Variants in PRKAG2 observed in about 807,000 individuals in gnomAD.
PRKAG2 encodes the protein protein kinase AMP-activated non-catalytic subunit gamma 2, also known as 5'-AMP-activated protein kinase subunit gamma-2.
A neutral mutation model predicts 69.6 loss-of-function variants in PRKAG2; 26 were observed. The ratio of observed to expected loss-of-function variants is 0.37; its 90% CI spans 0.27 to 0.52. The LOEUF is 0.52. Ranked by LOEUF, PRKAG2 falls within the 20% of genes least tolerant of loss-of-function variation. PRKAG2 has a pLI of 0.90. For synonymous variants in PRKAG2, 293 were observed against 285.0 expected (o/e 1.03, Z -0.28); for missense variants, 557 against 740.0 (o/e 0.75, Z 2.87).
At chr7:151,697,493 G>A (rs912009905) in intron 3 of PRKAG2, among the ~76,000 whole-genome samples, 2 of 152,148 alleles carry the variant, frequency 1.3e-5, no homozygotes, top group South Asian at 2.1e-4. Flanking sequence ...ACCCGCCGCT[G>A]GAAGTGAGGG....
At chr7:151,778,331 T>C (rs955100505) in intron 3 of PRKAG2, among the ~76,000 whole-genome samples, 4 of 152,194 alleles carry the variant, frequency 2.6e-5, no homozygotes, top group African/African-American at 9.7e-5. Flanking sequence ...ATTGGTTTTA[T>C]CTGTGCAGTG....
chr7:151,747,547 A>T (rs1383470607), intron 3 of PRKAG2, among the ~76,000 whole-genome samples: 2 of 143,920 alleles, frequency 1.4e-5, no homozygotes, highest in African/African-American at 5.4e-5. Context: ...ATAGAGAGAG[A>T]CTCCGTCTCA....
At chr7:151,754,357 C>T (rs1021380483) in intron 3 of PRKAG2, among the ~76,000 whole-genome samples, 9 of 152,242 alleles carry the variant, frequency 5.9e-5, no homozygotes, top group Non-Finnish European at 1.3e-4. Context: ...GGATGCCGCA[C>T]ATACTTTTCC....
intron 1 of PRKAG2, chr7:151,806,979 TA>T (rs752091908): frequency 2.2e-6 from 1 of 456,222 alleles, no homozygotes; most frequent in South Asian, 1.6e-5. Context: ...TGTACTCATT[TA>T]AACATCACTT....
At chr7:151,720,438 C>A (rs1796864909) in intron 3 of PRKAG2, among the ~76,000 whole-genome samples, 1 of 151,846 alleles carries the variant, frequency 6.6e-6, no homozygotes, top group Non-Finnish European at 1.5e-5. Flanking sequence ...GCAATTAAAT[C>A]TCTGTGGGTG....
At chr7:151,667,227 C>A (rs1042729397) in intron 4 of PRKAG2, among the ~76,000 whole-genome samples, 2 of 152,214 alleles carry the variant, frequency 1.3e-5, no homozygotes, top group Non-Finnish European at 2.9e-5. Flanking sequence ...GCCCAATCTT[C>A]CTGCCTTCCC....
chr7:151,805,197 A>T (rs558646348), intron 1 of PRKAG2, among the ~76,000 whole-genome samples: 2 of 152,288 alleles, frequency 1.3e-5, no homozygotes, highest in South Asian at 4.1e-4. Flanking sequence ...TTCCTCCTGG[A>T]TCTCTTGTAA....
intron 3 of PRKAG2, among the ~76,000 whole-genome samples, chr7:151,763,164 G>A (rs563169566): frequency 3.5e-4 from 53 of 152,312 alleles, no homozygotes; most frequent in African/African-American, 1.2e-3. Context: ...GGGTGGGCTC[G>A]GAAGTGCCAC....
chr7:151,848,177 T>C (rs2079479951), intron 1 of PRKAG2, among the ~76,000 whole-genome samples: 1 of 152,204 alleles, frequency 6.6e-6, no homozygotes, highest in Non-Finnish European at 1.5e-5. Flanking sequence ...ACAAAATTCA[T>C]GCTGAAACTT....
intron 5 of PRKAG2, among the ~76,000 whole-genome samples, chr7:151,620,237 T>G (rs1387111921): frequency 1.3e-5 from 2 of 152,192 alleles, no homozygotes; most frequent in South Asian, 2.1e-4. Flanking sequence ...TGTTGAATTT[T>G]ATTAATTGCT....
At chr7:151,594,994 C>T (rs1814108400) in intron 6 of PRKAG2, among the ~76,000 whole-genome samples, 1 of 152,250 alleles carries the variant, frequency 6.6e-6, no homozygotes, top group South Asian at 2.1e-4. Flanking sequence ...GATGGTGTTT[C>T]ATCACGTTGG....
chr7:151,687,602 A>G (rs1413104940), intron 3 of PRKAG2, among the ~76,000 whole-genome samples: 1 of 152,218 alleles, frequency 6.6e-6, no homozygotes, highest in Non-Finnish European at 1.5e-5. Context: ...AAGAATGGGC[A>G]TGACCTTGGA....
chr7:151,695,600 C>G (rs556039287), intron 3 of PRKAG2, among the ~76,000 whole-genome samples: 1 of 152,318 alleles, frequency 6.6e-6, no homozygotes, highest in Admixed American at 6.5e-5. Flanking sequence ...GCAAGGACTT[C>G]AGGAACACAT....
chr7:151,697,357 G>T (rs1247231680), intron 3 of PRKAG2, among the ~76,000 whole-genome samples: 2 of 152,164 alleles, frequency 1.3e-5, no homozygotes, highest in African/African-American at 4.8e-5. Flanking sequence ...GTGCCCAGCA[G>T]GGGTACCATC....
chr7:151,574,796 A>C (rs998081677), intron 8 of PRKAG2, 95 bp downstream of exon 8: 1 of 1,557,708 alleles, frequency 6.4e-7, no homozygotes, highest in African/African-American at 1.4e-5. Context: ...GAAAAAACTG[A>C]AAACATTAAA....
intron 3 of PRKAG2, among the ~76,000 whole-genome samples, chr7:151,740,483 A>C (rs2073804749): frequency 6.6e-6 from 1 of 152,202 alleles, no homozygotes; most frequent in Admixed American, 6.5e-5. Flanking sequence ...CTTTGAAAGT[A>C]GTGTCTTTAT....
chr7:151,683,057 C>T (rs945146727), intron 3 of PRKAG2, among the ~76,000 whole-genome samples: 24 of 152,350 alleles, frequency 1.6e-4, no homozygotes, highest in African/African-American at 5.3e-4. Context: ...TTTAGGACGC[C>T]GCCAGCCTCT....
At chr7:151,752,757 C>A (rs573085967) in intron 3 of PRKAG2, among the ~76,000 whole-genome samples, 14 of 152,162 alleles carry the variant, frequency 9.2e-5, no homozygotes, top group African/African-American at 3.4e-4. Context: ...ACTATAGTAA[C>A]AATTCAGGCA....
chr7:151,793,902 G>A (rs374716808), intron 1 of PRKAG2, among the ~76,000 whole-genome samples: 20 of 152,338 alleles, frequency 1.3e-4, no homozygotes, highest in African/African-American at 4.1e-4. Flanking sequence ...GCAGGGGAGG[G>A]CCAGTGGCCA....
Sources: gnomAD v4.1 joint callset for allele counts (sites outside exome capture counted in the v4.1 genomes callset) on GRCh38, gnomAD v4.1.1 for gene constraint, MANE v1.5 for transcripts, NCBI Gene and HGNC (gene_info 2026-07-23, HGNC 2026-07-21) for gene names.